The following ERO1B variants were observed in gnomAD, a reference collection of about 807,000 sequenced individuals.
The protein encoded by ERO1B is endoplasmic reticulum oxidoreductase 1 beta, also known as ERO1-like protein beta.
A neutral mutation model predicts 75.3 loss-of-function variants in ERO1B; 49 were observed. The observed-to-expected ratio is 0.65, with a 90% CI of 0.52 to 0.83. ERO1B has a LOEUF of 0.83. Ranked by LOEUF, ERO1B falls within the 40% of genes least tolerant of loss-of-function variation. ERO1B has a pLI of 0.00. For missense variants in ERO1B, 512 were observed against 560.1 expected, an observed-to-expected ratio of 0.91 and a Z score of 0.87; for synonymous variants, 191 against 192.9, an observed-to-expected ratio of 0.99 and a Z score of 0.08.
At chr1:236,241,400 T>G (rs1572043898) in intron 6 of ERO1B, among the ~76,000 whole-genome samples, 2 of 151,246 alleles carry the variant, frequency 1.3e-5, no homozygotes, top group East Asian at 3.9e-4. Flanking sequence ...AAAAAAAAAT[T>G]AGCTGTGCAT....
chr1:236,272,433 C>G (rs1235497687), intron 1 of ERO1B, among the ~76,000 whole-genome samples: 2 of 152,092 alleles, frequency 1.3e-5, no homozygotes, highest in Non-Finnish European at 2.9e-5. Flanking sequence ...AGCTGGAGGC[C>G]ATTATCCTAA....
intron 2 of ERO1B, among the ~76,000 whole-genome samples, chr1:236,267,003 G>T (rs565927816): frequency 3.0e-4 from 46 of 152,294 alleles, no homozygotes; most frequent in Admixed American, 1.2e-3. Flanking sequence ...TCCTTCTTTT[G>T]TAACAGTCCC....
intron 4 of ERO1B, among the ~76,000 whole-genome samples, chr1:236,251,125 CAA>C: frequency 6.6e-6 from 1 of 151,598 alleles, no homozygotes; most frequent in Non-Finnish European, 1.5e-5. Flanking sequence ...GAGAAAATTT[CAA>C]AAGTGTAAGA....
At chr1:236,274,675 T>A (rs552760112) in intron 1 of ERO1B, among the ~76,000 whole-genome samples, 1 of 152,324 alleles carries the variant, frequency 6.6e-6, no homozygotes, top group Non-Finnish European at 1.5e-5. Flanking sequence ...TATTCATTAA[T>A]TCAGCCTATT....
chr1:236,268,746 C>T (rs929154851), intron 2 of ERO1B, among the ~76,000 whole-genome samples: 4 of 151,762 alleles, frequency 2.6e-5, no homozygotes, highest in African/African-American at 9.7e-5. Flanking sequence ...ATTAGCCGTG[C>T]GTGGTGGCAG....
chr1:236,220,961 T>G lies in ERO1B; in HGVS notation c.1214A>C (p.Gln405Pro), dbSNP rs1312516672. 1 of 1,542,014 alleles carries G rather than the reference T, an allele frequency of 6.5e-7. No individual in the cohort carries two copies. Among genetic ancestry groups the G allele is most frequent in the African/African-American group, 1.4e-5 (1 of 71,492 alleles). ...KCRLWGKLQT[Q>P]GLGTALKILF... ...TATCTTCAGGGCAGTTCCTAAACCC[T>G]GAGTCTAAAGAAAATAGCAATAAAC... Residue 405 changes from glutamine to proline, a missense_variant, in exon 15 of 16, where the codon CAG becomes CCG. Gln to Pro is a moderately conservative substitution (Grantham distance 76). Transcript: ENST00000354619.
rs1371105065 is a variant in ERO1B at position 236,215,318 on chromosome 1, G to A, written c.*3198C>T. On this transcript the variant is annotated 3_prime_UTR_variant, in exon 16 of 16. Transcript: ENST00000354619. Reference sequence around the variant, plus strand: ...TCAGTCTTCTTACTTATAAAACAGAGAAGTAATTGTACCTACCTACTAGTG... The same window carrying A: ...TCAGTCTTCTTACTTATAAAACAGAAAAGTAATTGTACCTACCTACTAGTG... Among the ~76,000 whole-genome samples the A allele has an allele frequency of 2.6e-5, 4 of 152,228 alleles. No individual in the cohort carries two copies. The highest frequency in any genetic ancestry group is 4.4e-5 in the Non-Finnish European group (3 of 68,016).
intron 7 of ERO1B, among the ~76,000 whole-genome samples, 193 bp downstream of exon 7, chr1:236,236,085 C>T (rs543264505): frequency 2.6e-5 from 4 of 152,186 alleles, no homozygotes; most frequent in South Asian, 2.1e-4. Context: ...CCATCATGCC[C>T]GGCTAATTTT....
intron 6 of ERO1B, 100 bp from the exon 7 acceptor site, chr1:236,236,498 T>C: frequency 7.7e-7 from 1 of 1,290,330 alleles, no homozygotes; most frequent in South Asian, 1.4e-5. Context: ...AAGAAAAATG[T>C]CATGCTTTTC....
At chr1:236,251,266 A>T (rs1665019413) in intron 4 of ERO1B, among the ~76,000 whole-genome samples, 1 of 152,146 alleles carries the variant, frequency 6.6e-6, no homozygotes, top group African/African-American at 2.4e-5. Context: ...CACATGCAAT[A>T]AAAGTGTAAA....
chr1:236,281,816 C>T lies in ERO1B; in HGVS notation c.-33G>A. On this transcript the variant is annotated 5_prime_UTR_variant, in exon 1 of 16. Transcript: ENST00000354619. ...TCTACCCACACCGCGGCCAGCCGGACCCCTCGGGGCCGGGGAACGACGGGC... is the reference window on the plus strand; with the variant it reads ...TCTACCCACACCGCGGCCAGCCGGATCCCTCGGGGCCGGGGAACGACGGGC... The T allele has an allele frequency of 7.4e-7, 1 of 1,359,528 alleles. No homozygotes were observed. Among genetic ancestry groups the T allele is most frequent in the South Asian group, 1.6e-5 (1 of 63,210 alleles). 84.2% of individuals were successfully genotyped at this position (1,359,528 alleles called of 1,614,324 possible).
At chr1:236,265,596 T>C (rs1052031818) in intron 2 of ERO1B, among the ~76,000 whole-genome samples, 1 of 152,220 alleles carries the variant, frequency 6.6e-6, no homozygotes, top group Non-Finnish European at 1.5e-5. Flanking sequence ...GTCTCCTAAA[T>C]GGTTCCTCTA....
At chr1:236,263,824 A>G (rs1485338180) in intron 2 of ERO1B, among the ~76,000 whole-genome samples, 4 of 82,106 alleles carry the variant, frequency 4.9e-5, no homozygotes, top group African/African-American at 1.6e-4. Flanking sequence ...TAGTATCGCT[A>G]TGTTGCCTAG....
At chr1:236,251,505 G>A in intron 4 of ERO1B, 1 of 970,616 alleles carries the variant, frequency 1.0e-6, no homozygotes, top group Non-Finnish European at 1.2e-6. Flanking sequence ...CGCAAAGGAG[G>A]CACAAGAAGG....
At chr1:236,254,018 A>G (rs762480672) in intron 2 of ERO1B, among the ~76,000 whole-genome samples, 29 of 152,308 alleles carry the variant, frequency 1.9e-4, no homozygotes, top group Admixed American at 8.5e-4. Flanking sequence ...ATATTTTAGG[A>G]TGGAGGAAGT....
intron 5 of ERO1B, among the ~76,000 whole-genome samples, chr1:236,247,370 C>T (rs1664910789): frequency 6.6e-6 from 1 of 152,128 alleles, no homozygotes; most frequent in African/African-American, 2.4e-5. Context: ...TTTATAATTC[C>T]AAATCTTGTA....
chr1:236,252,953 GTATA>G (rs1472023575), intron 3 of ERO1B, among the ~76,000 whole-genome samples: 33 of 136,840 alleles, frequency 2.4e-4, no homozygotes, highest in South Asian at 2.1e-3. Context: ...TTGGTATTAA[GTATA>G]GGTTTTTTTT....
At chr1:236,237,079 C>T (rs1261553399) in intron 6 of ERO1B, among the ~76,000 whole-genome samples, 3 of 150,068 alleles carry the variant, frequency 2.0e-5, no homozygotes, top group Admixed American at 1.3e-4. Context: ...CATATTGAAA[C>T]CCAAATGAGT....
intron 2 of ERO1B, among the ~76,000 whole-genome samples, chr1:236,257,681 G>A (rs112191966): frequency 6.6e-6 from 1 of 151,832 alleles, no homozygotes; most frequent in Admixed American, 6.6e-5. Context: ...GGTAAGGAGT[G>A]CGATGCATGA....
Sources: allele counts gnomAD v4.1 joint callset (sites outside exome capture counted in the v4.1 genomes callset), GRCh38; gene constraint gnomAD v4.1.1; transcripts MANE v1.5; gene names NCBI Gene and HGNC (gene_info 2026-07-23, HGNC 2026-07-21).